PRKCH: variants seen among roughly 807,000 people sequenced by gnomAD.
PRKCH encodes protein kinase C eta type.
Under a neutral mutation model 82.5 loss-of-function variants are expected in PRKCH, and 28 were observed. That is an observed-to-expected ratio of 0.34 (90% CI 0.25 to 0.47). PRKCH has a LOEUF of 0.47. Ranked by LOEUF, PRKCH falls within the 20% of genes least tolerant of loss-of-function variation. PRKCH has a pLI of 1.00. For missense variants in PRKCH, 705 were observed against 881.8 expected, an observed-to-expected ratio of 0.80 and a Z score of 2.54; for synonymous variants, 322 against 327.4, an observed-to-expected ratio of 0.98 and a Z score of 0.18.
chr14:61,213,049 G>C (rs796598191), intron 1 of PRKCH, among the ~76,000 whole-genome samples: 41 of 152,270 alleles, frequency 2.7e-4, no homozygotes, highest in African/African-American at 9.1e-4. Context: ...GGAGAGAGGG[G>C]TGGGTAGAGA....
intron 2 of PRKCH, among the ~76,000 whole-genome samples, chr14:61,402,896 CTT>C (rs535419222): frequency 8.5e-4 from 129 of 151,010 alleles, no homozygotes; most frequent in African/African-American, 3.1e-3. Flanking sequence ...TATTATTAGA[CTT>C]TAAGTTTTAG....
intron 1 of PRKCH, among the ~76,000 whole-genome samples, chr14:61,389,329 G>A (rs1449848570): frequency 3.3e-5 from 5 of 150,460 alleles, no homozygotes; most frequent in African/African-American, 1.2e-4. Context: ...CAGCCTGGGT[G>A]ACAGAGGGAG....
At chr14:61,409,366 A>G (rs1882138980) in intron 2 of PRKCH, among the ~76,000 whole-genome samples, 1 of 152,172 alleles carries the variant, frequency 6.6e-6, no homozygotes, top group African/African-American at 2.4e-5. Context: ...CTTTCAGTAC[A>G]GATACAGAAA....
chr14:61,470,041 G>A (rs17098427), intron 9 of PRKCH, among the ~76,000 whole-genome samples: 2,012 of 151,576 alleles, frequency 0.013, 40 homozygotes, highest in African/African-American at 0.046. Flanking sequence ...GCTGCTCCCT[G>A]TGGCAATTCC....
chr14:61,287,232 A>G (rs2045323365), intron 1 of PRKCH, among the ~76,000 whole-genome samples: 1 of 148,822 alleles, frequency 6.7e-6, no homozygotes, highest in Non-Finnish European at 1.5e-5. Flanking sequence ...AAAAAAAAAA[A>G]AAGATAAACC....
chr14:61,236,143 G>A (rs887857612), intron 1 of PRKCH, among the ~76,000 whole-genome samples: 3 of 152,212 alleles, frequency 2.0e-5, no homozygotes, highest in Admixed American at 6.5e-5. Flanking sequence ...GCCGAGGCGG[G>A]CAGATGACGT....
intron 1 of PRKCH, among the ~76,000 whole-genome samples, chr14:61,213,927 C>A (rs2044600062): frequency 6.6e-6 from 1 of 152,222 alleles, no homozygotes; most frequent in African/African-American, 2.4e-5. Context: ...AAGCCAGACC[C>A]AGACCCTGCT....
intron 1 of PRKCH, among the ~76,000 whole-genome samples, chr14:61,196,994 C>T (rs978727128): frequency 6.6e-6 from 1 of 152,234 alleles, no homozygotes; most frequent in East Asian, 1.9e-4. Flanking sequence ...GACTAGGACA[C>T]CTAGAGGATA....
intron 1 of PRKCH, among the ~76,000 whole-genome samples, chr14:61,384,174 C>T (rs1470105224): frequency 6.6e-6 from 1 of 151,994 alleles, no homozygotes; most frequent in Non-Finnish European, 1.5e-5. Context: ...CGGAGTGGCT[C>T]CAGGATTTTA....
At chr14:61,223,640 G>A (rs1387646643) in intron 1 of PRKCH, among the ~76,000 whole-genome samples, 3 of 152,180 alleles carry the variant, frequency 2.0e-5, no homozygotes, top group Non-Finnish European at 4.4e-5. Context: ...TTAGGACTCA[G>A]ATCTGTAATA....
chr14:61,478,089 G>A (rs747544603), intron 9 of PRKCH, among the ~76,000 whole-genome samples: 14 of 152,226 alleles, frequency 9.2e-5, no homozygotes, highest in African/African-American at 2.2e-4. Flanking sequence ...CGGCCATGGC[G>A]GCTGAAGCTG....
At chr14:61,544,956 T>A (rs1418666270) in intron 12 of PRKCH, 2 of 152,270 alleles carry the variant, frequency 1.3e-5, no homozygotes, top group Non-Finnish European at 2.9e-5. Context: ...TCCTAGTTGC[T>A]GAACTTGTCA....
intron 2 of PRKCH, among the ~76,000 whole-genome samples, chr14:61,413,950 A>C (rs1882420374): frequency 6.6e-6 from 1 of 152,130 alleles, no homozygotes; most frequent in Admixed American, 6.5e-5. Flanking sequence ...TGTGTTTGGC[A>C]GTGCTCATCA....
At chr14:61,326,848 C>T (rs1276649349) in intron 1 of PRKCH, 2 of 200,276 alleles carry the variant, frequency 1.0e-5, no homozygotes, top group African/African-American at 2.3e-5. Flanking sequence ...TTTTTTTCTG[C>T]TGCTTCTAGA....
rs1297799647 is a variant in PRKCH, at chr14:61,262,219, T to TA, written c.-19+74564dup. On this transcript the variant is annotated intron_variant, in intron 1 of 3. Transcript: ENST00000555185. ...CTCAGTGACAGAGTGAGACTCTGTA[T>TA]AAAAAAAAAAAAAGAATATTCAGAG... Among the ~76,000 whole-genome samples, 105 of 106,490 alleles carry TA rather than the reference T, an allele frequency of 9.9e-4. 2 individuals are homozygous for TA. The highest frequency in any genetic ancestry group is 3.4e-3 in the East Asian group (12 of 3,582). The allele number at this position is 106,490 out of a possible 152,430, so 69.9% of individuals were successfully genotyped here.
At chr14:61,287,812 C>T (rs1431644910) in intron 1 of PRKCH, among the ~76,000 whole-genome samples, 1 of 152,078 alleles carries the variant, frequency 6.6e-6, no homozygotes, top group Non-Finnish European at 1.5e-5. Context: ...GACACCATGA[C>T]AGTGTCTGTG....
chr14:61,355,726 A>G (rs891273973), intron 1 of PRKCH, among the ~76,000 whole-genome samples: 3 of 152,106 alleles, frequency 2.0e-5, no homozygotes, highest in African/African-American at 7.2e-5. Context: ...TTCTGAATTC[A>G]TTTCTTGGAA....
chr14:61,521,671 G>C (rs985483032), intron 10 of PRKCH, among the ~76,000 whole-genome samples: 1 of 151,894 alleles, frequency 6.6e-6, no homozygotes, highest in African/African-American at 2.4e-5. Flanking sequence ...AGGCTCAAGT[G>C]ATCTTCCCGC....
intron 1 of PRKCH, among the ~76,000 whole-genome samples, chr14:61,312,641 G>A (rs2140110755): frequency 6.6e-6 from 1 of 152,228 alleles, no homozygotes; most frequent in South Asian, 2.1e-4. Flanking sequence ...TGAAGGAGGA[G>A]CAAAGGCACG....
Sources: allele counts gnomAD v4.1 joint callset (sites outside exome capture counted in the v4.1 genomes callset), GRCh38; gene constraint gnomAD v4.1.1; transcripts MANE v1.5; gene names NCBI Gene and HGNC (gene_info 2026-07-23, HGNC 2026-07-21).